Variants in LRRC40 observed in about 807,000 individuals in gnomAD.
LRRC40 encodes leucine rich repeat containing 40, also known as leucine-rich repeat-containing protein 40.
LRRC40 carries 76 observed loss-of-function variants against 72.8 expected under a neutral mutation model. The ratio of observed to expected loss-of-function variants is 1.04; its 90% CI spans 0.87 to 1.26. The LOEUF is 1.26. LRRC40 is among the 50% of genes most tolerant of loss of function. The pLI, the probability that LRRC40 is intolerant of heterozygous loss-of-function variation, is 0.00. For synonymous variants in LRRC40, 243 were observed against 254.2 expected, an observed-to-expected ratio of 0.96 and a Z score of 0.42; for missense variants, 684 against 698.9, an observed-to-expected ratio of 0.98 and a Z score of 0.24.
At position 70,145,557 on chromosome 1, in the gene LRRC40, T is replaced by A. The variant is rs1486041270; in HGVS notation, c.*243A>T. 1 of 284,562 alleles carries A rather than the reference T, an allele frequency of 3.5e-6. No homozygotes were observed. Among genetic ancestry groups the A allele is most frequent in the Non-Finnish European group, 6.5e-6 (1 of 154,632 alleles). 17.6% of individuals were successfully genotyped at this position (284,562 alleles called of 1,614,324 possible). A position where few individuals can be genotyped will look rare whatever the true frequency, so the allele number is the denominator to read the frequency against. ...CATTTAGAACAAATGTATGAACACA[T>A]TGTGGTTATCACCATTACAAATGTA... On this transcript the variant is annotated 3_prime_UTR_variant, in exon 15 of 15. Coordinates refer to ENST00000370952, the MANE Select transcript of LRRC40 (RefSeq NM_017768.5).
chr1:70,179,329 A>T (rs944469481), intron 5 of LRRC40, among the ~76,000 whole-genome samples: 2 of 151,446 alleles, frequency 1.3e-5, no homozygotes, highest in Non-Finnish European at 2.9e-5. Flanking sequence ...ACTAAAAATT[A>T]AAAAAAAATT....
intron 14 of LRRC40, among the ~76,000 whole-genome samples, chr1:70,147,439 T>A (rs560017513): frequency 6.6e-6 from 1 of 152,246 alleles, no homozygotes; most frequent in Non-Finnish European, 1.5e-5. Context: ...ATTATAGTGC[T>A]GTTGGCCATG....
rs775317439 is a variant in LRRC40, at chr1:70,178,943, C to G, written c.712G>C (p.Glu238Gln). ...TCTAGTGATTCCATGCCAGCCAATT[C>G]AGGAGGTATAGTTTCCAAGAGATTT... ...NSNLLETIPPELAGMESLELL... is the reference protein window; with the variant it reads ...NSNLLETIPPQLAGMESLELL... Residue 238 changes from glutamate (E) to glutamine (Q), a missense_variant, in exon 6 of 15, where the codon GAA becomes CAA. Coordinates refer to ENST00000370952, the MANE Select transcript of LRRC40 (RefSeq NM_017768.5). 3.7e-6 allele frequency: 6 copies of G among 1,601,834 alleles called. No homozygotes were observed. Among genetic ancestry groups the G allele is most frequent in the Non-Finnish European group, 5.1e-6 (6 of 1,171,846 alleles).
At chr1:70,164,557 G>A (rs1159211242) in intron 9 of LRRC40, among the ~76,000 whole-genome samples, 2 of 152,104 alleles carry the variant, frequency 1.3e-5, no homozygotes, top group Admixed American at 1.3e-4. Context: ...AGCACCCACT[G>A]GGGAATTTTA....
At chr1:70,194,206 T>C (rs1317539541) in intron 1 of LRRC40, among the ~76,000 whole-genome samples, 2 of 152,016 alleles carry the variant, frequency 1.3e-5, no homozygotes, top group African/African-American at 4.8e-5. Context: ...TGCTAAGGAA[T>C]CTACAAAAAA....
chr1:70,155,630 C>A, intron 11 of LRRC40, 59 bp downstream of exon 11: 2 of 780,942 alleles, frequency 2.6e-6, no homozygotes, highest in South Asian at 3.3e-5. Context: ...ATTTAAAAAC[C>A]AAGATGGAAA....
chr1:70,146,557 A>C lies in LRRC40; in HGVS notation c.1704-652T>G, dbSNP rs947704606. 1.4e-4 allele frequency among the ~76,000 whole-genome samples: 22 copies of C among 152,166 alleles called. 1 individual carries two copies. Among genetic ancestry groups the C allele is most frequent in the Middle Eastern group, 3.2e-3 (1 of 316 alleles). On this transcript the variant is annotated intron_variant, in intron 14 of 14. Transcript: ENST00000370952. Reference sequence around the variant, plus strand: ...TTAGGGGGGTAAGAAATATTGTCTAAGATCAAACAGCTACTAAATGATGGA... The same window carrying C: ...TTAGGGGGGTAAGAAATATTGTCTACGATCAAACAGCTACTAAATGATGGA...
rs1343518809 is a variant in LRRC40 at position 70,151,200 on chromosome 1, T to C, written c.1445A>G (p.Asn482Ser). The change falls in exon 13 of 15, where the codon AAT (asparagine) becomes AGT (serine). Residue 482 changes from asparagine (N) to serine (S), a missense_variant. Physicochemically the swap from Asn to Ser is conservative, Grantham distance 46. Coordinates refer to ENST00000370952, the MANE Select transcript of LRRC40 (RefSeq NM_017768.5). Reference protein sequence around the residue: ...QKLTFLDLRNNFLNSLPEEME... With the variant: ...QKLTFLDLRNSFLNSLPEEME... ...TTCTTCTGGCAAAGAATTTAAAAAATTGTTCCTAAATTGGAAATCAAAACA... is the reference window on the plus strand; with the variant it reads ...TTCTTCTGGCAAAGAATTTAAAAAACTGTTCCTAAATTGGAAATCAAAACA... 2 of 1,549,562 alleles carry C rather than the reference T, an allele frequency of 1.3e-6. No homozygotes were observed. Among genetic ancestry groups the C allele is most frequent in the East Asian group, 2.3e-5 (1 of 44,418 alleles).
intron 1 of LRRC40, among the ~76,000 whole-genome samples, chr1:70,200,742 T>C (rs1309188656): frequency 6.6e-6 from 1 of 152,168 alleles, no homozygotes. Context: ...CCCTATAGCA[T>C]ACAAAATAGT....
Position 70,189,270 on chromosome 1 carries a change from G to A in LRRC40, c.155C>T (p.Pro52Leu), listed in dbSNP as rs150357085. 1.2e-4 allele frequency: 193 copies of A among 1,590,804 alleles called. No individual in the cohort carries two copies. In the African/African-American group the frequency reaches 2.0e-3, roughly 17 times the overall value. ...NLSGRNLSEV[P>L]QCVWRINVDI... is the part of the protein sequence containing the mutation. ...CACATTTATTCTCCAGACACACTGC[G>A]GCACTAGTTCCATCAGCACCACACC... The change falls in exon 2 of 15, where the codon CCG becomes CTG. Residue 52 changes from proline (P) to leucine (L), a missense_variant. Transcript: ENST00000370952.
chr1:70,203,478 C>G (rs1366991009), intron 1 of LRRC40, among the ~76,000 whole-genome samples: 2 of 152,004 alleles, frequency 1.3e-5, no homozygotes, highest in African/African-American at 4.8e-5. Flanking sequence ...GATCATAAGG[C>G]ACTACAGCCT....
Position 70,155,699 on chromosome 1 carries a change from T to C in LRRC40, c.1318A>G (p.Ile440Val), listed in dbSNP as rs1478942997. The C allele has an allele frequency of 1.3e-6, 2 of 1,521,346 alleles. No individual in the cohort carries two copies. The highest frequency in any genetic ancestry group is 1.8e-6 in the Non-Finnish European group (2 of 1,116,824). 94.2% of individuals were successfully genotyped at this position (1,521,346 alleles called of 1,614,324 possible). A position where few individuals can be genotyped will look rare whatever the true frequency, so the allele number is the denominator to read the frequency against. ...CATCATAGTTCTTACCTTTTTGGAA[T>C]TTCACATAGTTGATTCTTACTGAAG... ...INFSKNQLCE[I>V]PKRMVELKEM... is the part of the protein sequence containing the mutation. Residue 440 changes from isoleucine to valine, a missense_variant, in exon 11 of 15, where the codon ATT becomes GTT. Coordinates refer to ENST00000370952, the MANE Select transcript of LRRC40 (RefSeq NM_017768.5).
chr1:70,180,794 G>C (rs1668226872), intron 5 of LRRC40, among the ~76,000 whole-genome samples: 1 of 152,070 alleles, frequency 6.6e-6, no homozygotes, highest in Admixed American at 6.6e-5. Context: ...ACCTCTTTAT[G>C]AATGTTGAAT....
chr1:70,199,932 A>G (rs1558130684), intron 1 of LRRC40, among the ~76,000 whole-genome samples: 1 of 152,044 alleles, frequency 6.6e-6, no homozygotes, highest in Non-Finnish European at 1.5e-5. Context: ...CTCAAGACTT[A>G]CTCTACCCAA....
At chr1:70,187,397 G>GCA in intron 2 of LRRC40, 59 bp from the exon 3 acceptor site, 1 of 825,694 alleles carries the variant, frequency 1.2e-6, no homozygotes. Flanking sequence ...CAATATATAA[G>GCA]CTTTGCCAGT....
intron 9 of LRRC40, among the ~76,000 whole-genome samples, chr1:70,160,503 A>G (rs1667732795): frequency 6.6e-6 from 1 of 152,198 alleles, no homozygotes; most frequent in African/African-American, 2.4e-5. Context: ...TTAATGCTCT[A>G]GTAGTAGTAC....
intron 1 of LRRC40, among the ~76,000 whole-genome samples, chr1:70,201,845 C>T (rs1042222842): frequency 6.6e-6 from 1 of 151,998 alleles, no homozygotes; most frequent in Non-Finnish European, 1.5e-5. Context: ...GGCATGACAG[C>T]ACATCCCTGT....
At chr1:70,198,675 T>A (rs1304883244) in intron 1 of LRRC40, among the ~76,000 whole-genome samples, 1 of 152,316 alleles carries the variant, frequency 6.6e-6, no homozygotes, top group East Asian at 1.9e-4. Context: ...ACACTCAGAA[T>A]GATTACTTAA....
intron 2 of LRRC40, 27 bp from the exon 3 acceptor site, chr1:70,187,365 A>C: frequency 8.9e-7 from 1 of 1,118,586 alleles, no homozygotes; most frequent in Non-Finnish European, 1.4e-6. Flanking sequence ...GACAAAGTCA[A>C]TATTCTTAGT....
Sources: allele counts gnomAD v4.1 joint callset (sites outside exome capture counted in the v4.1 genomes callset), GRCh38; gene constraint gnomAD v4.1.1; transcripts MANE v1.5; gene names NCBI Gene and HGNC (gene_info 2026-07-23, HGNC 2026-07-21).